The following TRIP12 variants were observed in gnomAD, a reference collection of about 807,000 sequenced individuals.
TRIP12 encodes the protein E3 ubiquitin-protein ligase TRIP12.
Under a neutral mutation model 244.2 loss-of-function variants are expected in TRIP12, and 25 were observed. The observed-to-expected ratio is 0.10, with a 90% CI of 0.07 to 0.14. The LOEUF (loss-of-function observed/expected upper bound fraction) is 0.14. Among genes scored for constraint, TRIP12 ranks in the 10% least tolerant of loss-of-function variants. The probability of loss-of-function intolerance (pLI) is 1.00; values close to 1 mark genes in which losing one functional copy is unlikely to be tolerated. For synonymous variants in TRIP12, 905 were observed against 873.1 expected (o/e 1.04, Z -0.64); for missense variants, 1,677 against 2,486.4 (o/e 0.67, Z 6.92).
intron 2 of TRIP12, among the ~76,000 whole-genome samples, chr2:229,876,588 T>C (rs536514582): frequency 6.6e-6 from 1 of 152,224 alleles, no homozygotes. Context: ...TGTTACAACT[T>C]TGAGCTACTT....
At chr2:229,902,149 C>T (rs1324286725) in intron 1 of TRIP12, among the ~76,000 whole-genome samples, 1 of 152,048 alleles carries the variant, frequency 6.6e-6, no homozygotes, top group Non-Finnish European at 1.5e-5. Flanking sequence ...CTGAGGGGGC[C>T]AAGGCAGGTG....
intron 5 of TRIP12, among the ~76,000 whole-genome samples, chr2:229,839,933 G>A (rs2055954213): frequency 6.6e-6 from 1 of 152,256 alleles, no homozygotes; most frequent in African/African-American, 2.4e-5. Context: ...ATCTAGAATT[G>A]GAGATGGGAG....
chr2:229,836,818 G>A (rs760076670), intron 6 of TRIP12, 30 bp downstream of exon 6: 9 of 1,572,374 alleles, frequency 5.7e-6, no homozygotes, highest in Middle Eastern at 1.7e-4. Context: ...AGACAGAAAC[G>A]CATTTTAAAG....
In TRIP12 at chr2:229,859,256, C is replaced by A. The variant is rs1367644328; in HGVS notation, c.543G>T (p.Gly181=). 18 of 1,614,150 alleles carry A rather than the reference C, an allele frequency of 1.1e-5. No individual in the cohort carries two copies. The highest frequency in any genetic ancestry group is 1.5e-5 in the Non-Finnish European group (18 of 1,180,046). ...TCTGACTCCGTGAACCGCCAGTGGCCCCACTCTTCCTGGTATGAGCCTTGC... is the reference window on the plus strand; with the variant it reads ...TCTGACTCCGTGAACCGCCAGTGGCACCACTCTTCCTGGTATGAGCCTTGC... ...STSKAHTRKS[G]ATGGSRSQKR... The change falls in exon 4 of 42, where the codon GGG becomes GGT. Residue 181 remains glycine, a synonymous_variant. Coordinates refer to ENST00000675903, the MANE Select transcript of TRIP12 (RefSeq NM_001348323.3).
chr2:229,864,073 T>TGC (rs1261805620), intron 2 of TRIP12, among the ~76,000 whole-genome samples: 2 of 149,624 alleles, frequency 1.3e-5, no homozygotes, highest in African/African-American at 5.0e-5. Flanking sequence ...TGTGTGTGTG[T>TGC]GTGTGCACGC....
chr2:229,888,744 A>G (rs1203559385), intron 1 of TRIP12, among the ~76,000 whole-genome samples: 2 of 152,186 alleles, frequency 1.3e-5, no homozygotes, highest in African/African-American at 4.8e-5. Flanking sequence ...CGGAGGTTGC[A>G]GCGAGCCAAG....
At chr2:229,900,346 A>G (rs1466331416) in intron 1 of TRIP12, among the ~76,000 whole-genome samples, 1 of 152,232 alleles carries the variant, frequency 6.6e-6, no homozygotes, top group Non-Finnish European at 1.5e-5. Context: ...ATCATAACCA[A>G]CAAACGTATT....
chr2:229,842,829 ACT>A (rs1474542867), intron 4 of TRIP12, among the ~76,000 whole-genome samples: 1 of 152,078 alleles, frequency 6.6e-6, no homozygotes, highest in Non-Finnish European at 1.5e-5. Context: ...ACTTTATTTT[ACT>A]CTTTCACTAT....
chr2:229,882,183 T>C (rs1250511626), intron 1 of TRIP12, among the ~76,000 whole-genome samples: 1 of 152,198 alleles, frequency 6.6e-6, no homozygotes, highest in Non-Finnish European at 1.5e-5. Flanking sequence ...AACTACTCAA[T>C]ACAGTGCCAA....
intron 26 of TRIP12, among the ~76,000 whole-genome samples, chr2:229,794,261 G>A (rs994950679): frequency 5.3e-5 from 8 of 152,026 alleles, no homozygotes; most frequent in Admixed American, 1.3e-4. Context: ...TTTTTAAAAC[G>A]TCAAAATGTG....
chr2:229,810,339 A>C (rs1005967702), intron 15 of TRIP12, among the ~76,000 whole-genome samples: 5 of 152,202 alleles, frequency 3.3e-5, no homozygotes, highest in African/African-American at 1.2e-4. Flanking sequence ...TTTCCCACAC[A>C]CTGTGTAAAG....
intron 1 of TRIP12, among the ~76,000 whole-genome samples, chr2:229,906,962 A>C (rs926233731): frequency 6.6e-6 from 1 of 152,194 alleles, no homozygotes; most frequent in Non-Finnish European, 1.5e-5. Context: ...AGCAGTGATA[A>C]AACACCTGAA....
chr2:229,922,732 C>A (rs1430354838), upstream of TRIP12: 3 of 957,656 alleles, frequency 3.1e-6, no homozygotes, highest in South Asian at 4.9e-5. Context: ...AGTCCCGGCT[C>A]CGCGCCGGGA....
chr2:229,789,615 T>C lies in TRIP12; in HGVS notation c.4691A>G (p.Tyr1564Cys). The C allele has an allele frequency of 3.7e-6, 6 of 1,613,534 alleles. No individual in the cohort carries two copies. Among genetic ancestry groups the C allele is most frequent in the Non-Finnish European group, 5.1e-6 (6 of 1,179,738 alleles). ...TAAATAGGCAACATTACTCACATCA[T>C]ACAAGTAATACCAGTATCGACTGAT... ...HAISRYWYYL[Y>C]DNAMCKEIIP... The change falls in exon 31 of 42, where the codon TAT becomes TGT. Residue 1564 changes from tyrosine (Y) to cysteine (C), a missense_variant. Physicochemically the swap from Tyr to Cys is radical, Grantham distance 194 (BLOSUM62 -2). Transcript: ENST00000675903.
Position 229,808,380 on chromosome 2 carries a change from C to A in TRIP12, c.2222-11G>T. ...GCGTTTCTGCAATGTCTGTAAAAAC[C>A]AACAACAAAAAACAAAAGGCTATTA... is the stretch of plus-strand genomic sequence containing the variant. On this transcript the variant is annotated splice_polypyrimidine_tract_variant and intron_variant, in intron 15 of 41. Transcript: ENST00000675903. 6.3e-7 allele frequency: 1 copy of A among 1,592,606 alleles called. No homozygotes were observed. Among genetic ancestry groups the A allele is most frequent in the Non-Finnish European group, 8.6e-7 (1 of 1,165,538 alleles).
At chr2:229,807,451 G>T in intron 17 of TRIP12, 3 of 485,266 alleles carry the variant, frequency 6.2e-6, no homozygotes, top group Non-Finnish European at 7.4e-6. Context: ...TTTCAGAAAT[G>T]AGGAAACTAT....
At chr2:229,908,682 G>A (rs964026478) in intron 1 of TRIP12, among the ~76,000 whole-genome samples, 8 of 151,734 alleles carry the variant, frequency 5.3e-5, no homozygotes, top group African/African-American at 1.7e-4. Flanking sequence ...CCAGTGAGCC[G>A]AGATTGCGCC....
chr2:229,829,351 A>G, intron 7 of TRIP12, 63 bp from the exon 8 acceptor site: 1 of 1,334,574 alleles, frequency 7.5e-7, no homozygotes, highest in Non-Finnish European at 1.0e-6. Context: ...ATGTATCTAA[A>G]AATTTCAAGT....
At chr2:229,804,271 G>A (rs1378013448) in intron 18 of TRIP12, 44 bp from the exon 19 acceptor site, 21 of 1,458,256 alleles carry the variant, frequency 1.4e-5, no homozygotes, top group Admixed American at 2.0e-5. Context: ...TGAAGTGACA[G>A]ACTTCAGAAA....
Sources: allele counts gnomAD v4.1 joint callset (sites outside exome capture counted in the v4.1 genomes callset), GRCh38; gene constraint gnomAD v4.1.1; transcripts MANE v1.5; gene names NCBI Gene and HGNC (gene_info 2026-07-23, HGNC 2026-07-21).